ABCA3: variants seen among roughly 807,000 people sequenced by gnomAD.
ABCA3 encodes phospholipid-transporting ATPase ABCA3.
Under a neutral mutation model 172.8 loss-of-function variants are expected in ABCA3, and 88 were observed. That is an observed-to-expected ratio of 0.51 (90% CI 0.43 to 0.61). The LOEUF (loss-of-function observed/expected upper bound fraction) is 0.61. ABCA3 is among the 20% of genes least tolerant of loss of function. ABCA3 has a pLI of 0.00. For missense variants in ABCA3, 2,164 were observed against 2,301.0 expected (o/e 0.94, Z 1.22); for synonymous variants, 1,066 against 983.8 (o/e 1.08, Z -1.56).
At chr16:2,313,458 C>G (rs902053817) in intron 10 of ABCA3, among the ~76,000 whole-genome samples, 2 of 147,102 alleles carry the variant, frequency 1.4e-5, no homozygotes, top group Non-Finnish European at 3.0e-5. Context: ...GAGGCTGAGG[C>G]AGGAGAATTG....
intron 18 of ABCA3, among the ~76,000 whole-genome samples, chr16:2,294,371 G>C (rs1442031196): frequency 6.6e-6 from 1 of 152,010 alleles, no homozygotes; most frequent in Non-Finnish European, 1.5e-5. Flanking sequence ...AGTCACAAGA[G>C]AAAGGATGTT....
At chr16:2,338,453 G>A (rs1005617816) in intron 1 of ABCA3, among the ~76,000 whole-genome samples, 8 of 152,162 alleles carry the variant, frequency 5.3e-5, no homozygotes, top group African/African-American at 1.9e-4. Context: ...CCTGCACAAT[G>A]GAATTTTCCA....
At position 2,300,156 on chromosome 16, in the gene ABCA3, G is replaced by A. The variant is rs200207284; in HGVS notation, c.1468-8C>T. 1.1e-5 allele frequency: 17 copies of A among 1,613,294 alleles called. No individual in the cohort carries two copies. In the African/African-American group the frequency reaches 1.3e-4, roughly 13 times the overall value. On this transcript the variant is annotated splice_region_variant and splice_polypyrimidine_tract_variant and intron_variant, in intron 12 of 32. Transcript: ENST00000301732. ...CCCACACCAATAGGAGGGCTGGGAG[G>A]GAAGCAGACAGCTGTCAGTTTGTTT...
At chr16:2,313,041 C>T (rs1359392888) in intron 10 of ABCA3, among the ~76,000 whole-genome samples, 3 of 151,264 alleles carry the variant, frequency 2.0e-5, no homozygotes, top group African/African-American at 4.9e-5. Flanking sequence ...GGCAACAGAA[C>T]GAGACCATGT....
chr16:2,308,398 T>C (rs745500141), intron 11 of ABCA3, 52 bp downstream of exon 11: 52 of 1,610,372 alleles, frequency 3.2e-5, no homozygotes, highest in Non-Finnish European at 3.8e-5. Context: ...GGTTGGGTGC[T>C]CTCGAAGGTT....
intron 10 of ABCA3, among the ~76,000 whole-genome samples, chr16:2,312,988 G>C (rs1437103348): frequency 6.6e-6 from 1 of 152,044 alleles, no homozygotes; most frequent in Non-Finnish European, 1.5e-5. Context: ...CTGGGAGACA[G>C]AGGTTGCAGT....
chr16:2,288,589 T>G (rs2093666872), intron 20 of ABCA3, among the ~76,000 whole-genome samples: 1 of 152,186 alleles, frequency 6.6e-6, no homozygotes, highest in Non-Finnish European at 1.5e-5. Flanking sequence ...ACAGGGTCAC[T>G]CTGTCACTGG....
chr16:2,295,320 G>C (rs2093677968), intron 18 of ABCA3, among the ~76,000 whole-genome samples: 1 of 152,226 alleles, frequency 6.6e-6, no homozygotes. Flanking sequence ...TGTGAGCCCT[G>C]CATCAGCGCT....
At chr16:2,330,585 G>A (rs1025644781) in intron 1 of ABCA3, among the ~76,000 whole-genome samples, 2 of 151,746 alleles carry the variant, frequency 1.3e-5, no homozygotes, top group Non-Finnish European at 2.9e-5. Flanking sequence ...CTCTCACAGT[G>A]TTGGGATGAC....
At chr16:2,322,156 C>T (rs2093727097) in intron 7 of ABCA3, among the ~76,000 whole-genome samples, 1 of 151,300 alleles carries the variant, frequency 6.6e-6, no homozygotes. Flanking sequence ...CGAGGTCGCG[C>T]CACTGCACTC....
intron 12 of ABCA3, among the ~76,000 whole-genome samples, chr16:2,303,505 C>T (rs576767395): frequency 1.3e-5 from 2 of 150,352 alleles, no homozygotes; most frequent in South Asian, 2.1e-4. Context: ...CTCCTGACCT[C>T]GTGATCCACC....
intron 12 of ABCA3, among the ~76,000 whole-genome samples, chr16:2,301,046 C>T (rs7201581): frequency 0.013 from 1,945 of 149,920 alleles, 59 homozygotes; most frequent in East Asian, 0.042. Flanking sequence ...CTGGCTAACA[C>T]GGTGAAACCC....
chr16:2,328,264 T>A (rs1422538716), intron 3 of ABCA3, among the ~76,000 whole-genome samples, 189 bp downstream of exon 3: 1 of 152,116 alleles, frequency 6.6e-6, no homozygotes, highest in Non-Finnish European at 1.5e-5. Context: ...GTGTGGTGGC[T>A]CATGCTTGTA....
chr16:2,324,738 A>G (rs1246590160), intron 5 of ABCA3, among the ~76,000 whole-genome samples: 1 of 152,182 alleles, frequency 6.6e-6, no homozygotes, highest in Non-Finnish European at 1.5e-5. Context: ...AGCCCCAGGC[A>G]GTGAGTTCTC....
At position 2,286,193 on chromosome 16, in the gene ABCA3, C is replaced by T. The variant is rs926636079; in HGVS notation, c.3278+501G>A. Among the ~76,000 whole-genome samples the T allele has an allele frequency of 6.6e-6, 1 of 152,262 alleles. No individual in the cohort carries two copies. The highest frequency in any genetic ancestry group is 2.4e-5 in the African/African-American group (1 of 41,474). On this transcript the variant is annotated intron_variant, in intron 22 of 32. Coordinates refer to ENST00000301732, the MANE Select transcript of ABCA3 (RefSeq NM_001089.3). This position sits in a 1 kb window ranked among gnomAD's most constrained non-coding sequence, Gnocchi z 5.2. ...TTCTGAAATTAACAGAATTTTTGGC[C>T]TCCTCTGGGTGGTTCCAGGAGCTCT...
intron 11 of ABCA3, among the ~76,000 whole-genome samples, chr16:2,305,137 A>AT (rs1213316621): frequency 6.8e-6 from 1 of 147,516 alleles, no homozygotes; most frequent in East Asian, 2.0e-4. Context: ...TTTGTTTATT[A>AT]TTTTTTATTT....
At chr16:2,314,060 C>T (rs2093710976) in intron 10 of ABCA3, among the ~76,000 whole-genome samples, 1 of 152,090 alleles carries the variant, frequency 6.6e-6, no homozygotes, top group Admixed American at 6.6e-5. Flanking sequence ...CCGGTGCAGA[C>T]ACTGCGGGAA....
intron 12 of ABCA3, among the ~76,000 whole-genome samples, chr16:2,302,785 C>T (rs113599965): frequency 7.4e-5 from 11 of 149,030 alleles, no homozygotes; most frequent in East Asian, 2.0e-4. Context: ...ATGTCCACCC[C>T]GATCCCATTT....
Position 2,283,140 on chromosome 16 carries a change from C to T in ABCA3, c.4035+46G>A, listed in dbSNP as rs200066063. The T allele has an allele frequency of 1.4e-4, 219 of 1,588,404 alleles. 1 individual carries two copies. In the African/African-American group the frequency reaches 2.3e-3, roughly 17 times the overall value. On this transcript the variant is annotated intron_variant, in intron 26 of 32. Transcript: ENST00000301732. This position sits in a 1 kb window ranked among gnomAD's most constrained non-coding sequence, Gnocchi z 5.4. The stretch of plus-strand genomic sequence containing the variant: ...AGGTTGTGCTGGGCCCAAGCAGAGA[C>T]GTGGGGAGCATCTCGCCAGTGTCCT...
Sources: allele counts gnomAD v4.1 joint callset (sites outside exome capture counted in the v4.1 genomes callset), GRCh38; gene constraint gnomAD v4.1.1; non-coding constraint Gnocchi (gnomAD v3.1); transcripts MANE v1.5; gene names NCBI Gene and HGNC (gene_info 2026-07-23, HGNC 2026-07-21).